Variants in P2RY6 observed in about 807,000 individuals in gnomAD.
P2RY6 encodes the protein pyrimidinergic receptor P2Y6, also known as P2Y purinoceptor 6.
A neutral mutation model predicts 16.3 loss-of-function variants in P2RY6; 19 were observed. That is an observed-to-expected ratio of 1.16 (90% CI 0.81 to 1.71). The LOEUF is 1.71. Among genes scored for constraint, P2RY6 ranks in the 40% most tolerant of loss-of-function variants. The probability of loss-of-function intolerance (pLI) is 0.00; values close to 1 mark genes in which losing one functional copy is unlikely to be tolerated. For synonymous variants in P2RY6, 184 were observed against 201.5 expected, an observed-to-expected ratio of 0.91 and a Z score of 0.74; for missense variants, 389 against 455.5, an observed-to-expected ratio of 0.85 and a Z score of 1.33.
chr11:73,284,110 G>A (rs1391771539), intron 1 of P2RY6, among the ~76,000 whole-genome samples: 1 of 152,132 alleles, frequency 6.6e-6, no homozygotes, highest in African/African-American at 2.4e-5. Flanking sequence ...CAAGAAAGAT[G>A]GGGCCAAGGC....
upstream of P2RY6, among the ~76,000 whole-genome samples, chr11:73,268,624 GA>G (rs1322629629): frequency 6.6e-6 from 1 of 151,918 alleles, no homozygotes; most frequent in Non-Finnish European, 1.5e-5. Flanking sequence ...ACCCTGTCTG[GA>G]AAAAAAAGAT....
At chr11:73,283,347 C>A (rs1030413314) in intron 1 of P2RY6, among the ~76,000 whole-genome samples, 10 of 152,166 alleles carry the variant, frequency 6.6e-5, no homozygotes, top group African/African-American at 2.4e-4. Context: ...GCAAAGGTAT[C>A]ATCCCAACCA....
chr11:73,292,503 C>T (rs375858919), intron 1 of P2RY6, among the ~76,000 whole-genome samples: 53 of 152,314 alleles, frequency 3.5e-4, no homozygotes, highest in East Asian at 3.3e-3. Flanking sequence ...CACTGCCCTA[C>T]CCATTTGACA....
intron 1 of P2RY6, among the ~76,000 whole-genome samples, chr11:73,290,286 GAAAGAAAGAAAGAAAGA>G (rs1454545834): frequency 2.3e-5 from 2 of 87,938 alleles, no homozygotes; most frequent in South Asian, 2.8e-4. Flanking sequence ...AGGAAGGAAA[GAAAGAAAGAAAGAAAGA>G]AAAGAAAGAA....
intron 1 of P2RY6, among the ~76,000 whole-genome samples, chr11:73,293,139 C>T (rs935964107): frequency 6.6e-6 from 1 of 152,158 alleles, no homozygotes; most frequent in Non-Finnish European, 1.5e-5. Context: ...GCTAGATAGA[C>T]ACTTAGGGTT....
intron 1 of P2RY6, among the ~76,000 whole-genome samples, chr11:73,282,090 C>T (rs1863787480): frequency 6.7e-6 from 1 of 149,114 alleles, no homozygotes; most frequent in Admixed American, 6.6e-5. Context: ...TGTGGAACAT[C>T]TGTCTTTCCA....
intron 1 of P2RY6, among the ~76,000 whole-genome samples, chr11:73,294,099 G>A (rs967108643): frequency 1.3e-5 from 2 of 152,056 alleles, no homozygotes; most frequent in African/African-American, 4.8e-5. Flanking sequence ...CAAGGACAGA[G>A]GGTTATGGTG....
intron 1 of P2RY6, among the ~76,000 whole-genome samples, chr11:73,293,894 T>G (rs1165763483): frequency 6.6e-6 from 1 of 152,062 alleles, no homozygotes; most frequent in Non-Finnish European, 1.5e-5. Context: ...GGTTGAGGGA[T>G]GCAGCACCCC....
At chr11:73,274,426 G>A (rs140642719) in intron 1 of P2RY6, among the ~76,000 whole-genome samples, 1 of 151,966 alleles carries the variant, frequency 6.6e-6, no homozygotes, top group East Asian at 1.9e-4. Flanking sequence ...ACACAAAAAT[G>A]AAAGCATCAG....
chr11:73,287,237 C>T lies in P2RY6; in HGVS notation c.-120-8493C>T, dbSNP rs112406605. Among the ~76,000 whole-genome samples the T allele has an allele frequency of 3.9e-5, 6 of 152,348 alleles. 1 individual carries two copies. The highest frequency in any genetic ancestry group is 1.4e-4 in the African/African-American group (6 of 41,580). ...CTTAGTTCACTTGGCTCCAGCAGCTCCTGCCTCACTTTCTACTAACTTTGC... is the reference window on the plus strand; with the variant it reads ...CTTAGTTCACTTGGCTCCAGCAGCTTCTGCCTCACTTTCTACTAACTTTGC... On this transcript the variant is annotated intron_variant, in intron 1 of 2. Coordinates refer to ENST00000540124, the MANE Select transcript of P2RY6 (RefSeq NM_001277204.2).
At chr11:73,265,759 C>T (rs1020355834) in intron 1 of P2RY6, among the ~76,000 whole-genome samples, 1 of 152,212 alleles carries the variant, frequency 6.6e-6, no homozygotes, top group Admixed American at 6.5e-5. Context: ...AGGCTGCCTC[C>T]TGAGACAGTT....
Position 73,274,008 on chromosome 11 carries a change from A to T in P2RY6, c.-121+1542A>T, listed in dbSNP as rs528623102. Among the ~76,000 whole-genome samples, 306 of 152,224 alleles carry T rather than the reference A, an allele frequency of 2.0e-3. 1 individual carries two copies. The highest frequency in any genetic ancestry group is 7.0e-3 in the African/African-American group (292 of 41,540). The stretch of plus-strand genomic sequence containing the variant: ...GTATCACAATGTTCAACTAATTTTT[A>T]AAAATATTTTGTAGAGATGGGGTTT... On this transcript the variant is annotated intron_variant, in intron 1 of 2. Transcript: ENST00000540124.
intron 1 of P2RY6, among the ~76,000 whole-genome samples, chr11:73,287,844 G>A (rs564824397): frequency 3.0e-4 from 46 of 152,360 alleles, no homozygotes; most frequent in African/African-American, 1.0e-3. Flanking sequence ...GGAGCACTGG[G>A]TGGGAGGTGC....
At chr11:73,274,656 C>A (rs1242729796) in intron 1 of P2RY6, among the ~76,000 whole-genome samples, 1 of 152,184 alleles carries the variant, frequency 6.6e-6, no homozygotes, top group Non-Finnish European at 1.5e-5. Flanking sequence ...ATTAAAGGAT[C>A]CTGTCCAATG....
intron 1 of P2RY6, among the ~76,000 whole-genome samples, chr11:73,285,927 T>A (rs1863954499): frequency 6.6e-6 from 1 of 152,188 alleles, no homozygotes; most frequent in Non-Finnish European, 1.5e-5. Flanking sequence ...AGAGGCAAGC[T>A]GGACTGGTGT....
In P2RY6 at chr11:73,297,202, T is replaced by C. The variant is rs373254348; in HGVS notation, c.684T>C (p.Pro228=). 1.4e-5 allele frequency: 23 copies of C among 1,603,636 alleles called. No homozygotes were observed. Among genetic ancestry groups the C allele is most frequent in the South Asian group, 1.1e-4 (10 of 91,062 alleles). ...GCCGCCAGGATGGCCCGGCAGAGCC[T>C]GTGGCCCAGGAGCGGCGTGGCAAGG... The part of the protein sequence containing the change: ...RLCRQDGPAE[P]VAQERRGKAA... The change falls in exon 3 of 3, where the codon CCT becomes CCC. Residue 228 remains proline, a synonymous_variant. Coordinates refer to ENST00000540124, the MANE Select transcript of P2RY6 (RefSeq NM_001277204.2).
intron 1 of P2RY6, among the ~76,000 whole-genome samples, chr11:73,290,509 G>A (rs1409473414): frequency 1.3e-5 from 2 of 152,246 alleles, no homozygotes; most frequent in African/African-American, 2.4e-5. Context: ...TGATGGGCCA[G>A]CCCCTCTCAG....
At chr11:73,277,956 G>A (rs1863606422) in intron 1 of P2RY6, among the ~76,000 whole-genome samples, 2 of 151,792 alleles carry the variant, frequency 1.3e-5, no homozygotes, top group Non-Finnish European at 2.9e-5. Context: ...TACAGTAGAT[G>A]TGCTGGTCAA....
intron 1 of P2RY6, among the ~76,000 whole-genome samples, chr11:73,289,946 G>C (rs551413337): frequency 2.0e-4 from 30 of 152,282 alleles, no homozygotes; most frequent in East Asian, 5.8e-4. Context: ...TACTGGCCAG[G>C]CACGGTGGCT....
Sources: allele counts gnomAD v4.1 joint callset (sites outside exome capture counted in the v4.1 genomes callset), GRCh38; gene constraint gnomAD v4.1.1; transcripts MANE v1.5; gene names NCBI Gene and HGNC (gene_info 2026-07-23, HGNC 2026-07-21).